The following GARIN1A variants were observed in gnomAD, a reference collection of about 807,000 sequenced individuals.
GARIN1A encodes the protein golgi associated RAB2 interactor 1A.
chr7:128,701,746 A>C, the GARIN1A span, among the ~76,000 whole-genome samples: 1 of 152,132 alleles, frequency 6.6e-6, no homozygotes, highest in East Asian at 1.9e-4. Flanking sequence ...AGGAGACGTA[A>C]AGAACGAGGA....
the GARIN1A span, among the ~76,000 whole-genome samples, chr7:128,701,049 G>A: frequency 7.8e-4 from 118 of 151,860 alleles, 4 homozygotes; most frequent in African/African-American, 2.6e-3. Context: ...CCATCTAGAC[G>A]GGCTTCACAT....
chr7:128,705,391 C>T, the GARIN1A span, among the ~76,000 whole-genome samples: 1 of 152,142 alleles, frequency 6.6e-6, no homozygotes, highest in Non-Finnish European at 1.5e-5. Context: ...CTTGTTTTCT[C>T]GGCAGGAGTG....
At chr7:128,698,564 A>C in the GARIN1A span, among the ~76,000 whole-genome samples, 7 of 151,992 alleles carry the variant, frequency 4.6e-5, no homozygotes, top group Non-Finnish European at 1.0e-4. Context: ...TGTCCATAAA[A>C]TCAGGTTCCA....
the GARIN1A span, among the ~76,000 whole-genome samples, chr7:128,699,269 C>CG: frequency 1.3e-4 from 19 of 143,568 alleles, no homozygotes; most frequent in Admixed American, 6.1e-4. Flanking sequence ...TGCCCCCCCC[C>CG]CCCCACCACC....
chr7:128,683,136 G>A, the GARIN1A span: 3 of 1,611,328 alleles, frequency 1.9e-6, no homozygotes, highest in South Asian at 3.3e-5. Context: ...CAGTTACCTA[G>A]GAGAGCACTT....
At chr7:128,672,652 G>T in the GARIN1A span, 4 of 722,998 alleles carry the variant, frequency 5.5e-6, no homozygotes, top group Admixed American at 3.2e-5. Context: ...CTGGGGGAGG[G>T]GGGGGCGGGG....
the GARIN1A span, among the ~76,000 whole-genome samples, chr7:128,704,850 T>G: frequency 2.6e-5 from 4 of 152,180 alleles, no homozygotes; most frequent in Non-Finnish European, 4.4e-5. Flanking sequence ...GGACCCCTGC[T>G]TTAGTGGGTA....
At chr7:128,694,705 C>T in the GARIN1A span, among the ~76,000 whole-genome samples, 2 of 152,140 alleles carry the variant, frequency 1.3e-5, no homozygotes, top group Non-Finnish European at 2.9e-5. Flanking sequence ...CCAGTCCATG[C>T]ATCTATATAT....
chr7:128,703,842 A>C, the GARIN1A span, among the ~76,000 whole-genome samples: 1 of 152,068 alleles, frequency 6.6e-6, no homozygotes, highest in African/African-American at 2.4e-5. Context: ...TTAGTAAACA[A>C]TTCAGTGGGG....
At chr7:128,671,645 C>CA in the GARIN1A span, among the ~76,000 whole-genome samples, 1,901 of 120,204 alleles carry the variant, frequency 0.016, 20 homozygotes, top group Non-Finnish European at 0.021. Flanking sequence ...AACTCTGTCT[C>CA]AAAAAAAAAA....
chr7:128,692,372 C>G, the GARIN1A span, among the ~76,000 whole-genome samples: 1 of 152,198 alleles, frequency 6.6e-6, no homozygotes, highest in African/African-American at 2.4e-5. Context: ...AGGGAAGAAA[C>G]AACAGCCCTT....
chr7:128,686,875 C>CAA, the GARIN1A span: 4 of 121,750 alleles, frequency 3.3e-5, no homozygotes, highest in African/African-American at 5.7e-5. Flanking sequence ...GATTCCATCT[C>CAA]AAAAAAAAAA....
the GARIN1A span, chr7:128,675,902 T>C: frequency 2.2e-6 from 3 of 1,393,352 alleles, no homozygotes; most frequent in Non-Finnish European, 3.0e-6. Context: ...AATGATTGAC[T>C]GGGATATGCA....
At chr7:128,675,807 C>T in the GARIN1A span, 5 of 1,613,758 alleles carry the variant, frequency 3.1e-6, no homozygotes, top group East Asian at 1.1e-4. Flanking sequence ...GCCCCAGGGT[C>T]CATTTACCAC....
the GARIN1A span, chr7:128,672,165 C>G: frequency 2.1e-6 from 1 of 472,812 alleles, no homozygotes; most frequent in South Asian, 3.8e-5. Flanking sequence ...CTGGCACATC[C>G]TCTGTCCTTC....
the GARIN1A span, chr7:128,708,921 A>G: frequency 2.0e-5 from 3 of 152,360 alleles, no homozygotes; most frequent in South Asian, 6.2e-4. Context: ...ATGGCCACCC[A>G]GTGAAAAGCT....
chr7:128,705,588 C>T, the GARIN1A span, among the ~76,000 whole-genome samples: 1 of 151,452 alleles, frequency 6.6e-6, no homozygotes, highest in African/African-American at 2.4e-5. Context: ...CCAGCCTTAG[C>T]CTCTATTGAA....
At chr7:128,706,684 C>A in the GARIN1A span, among the ~76,000 whole-genome samples, 1 of 152,198 alleles carries the variant, frequency 6.6e-6, no homozygotes, top group Non-Finnish European at 1.5e-5. Context: ...GTCTCCCAAT[C>A]ACACTGGCTG....
chr7:128,674,184 A>T, the GARIN1A span, among the ~76,000 whole-genome samples: 2 of 152,026 alleles, frequency 1.3e-5, no homozygotes, highest in African/African-American at 4.8e-5. Flanking sequence ...TAATATTAAA[A>T]CTGTTTAGAT....
Sources: gnomAD v4.1 joint callset for allele counts (sites outside exome capture counted in the v4.1 genomes callset) on GRCh38, gnomAD v4.1.1 for gene constraint, MANE v1.5 for transcripts, NCBI Gene and HGNC (gene_info 2026-07-23, HGNC 2026-07-21) for gene names.